The following PLRG1 variants were observed in gnomAD, a reference collection of about 807,000 sequenced individuals.
PLRG1 encodes pleiotropic regulator 1 (PRL1 homolog, Arabidopsis).
In PLRG1, 28 loss-of-function variants were observed where a neutral mutation model predicts 74.9. That is an observed-to-expected ratio of 0.37 (90% CI 0.28 to 0.51). The LOEUF (loss-of-function observed/expected upper bound fraction) is 0.51. PLRG1 is among the 20% of genes least tolerant of loss of function. The pLI, the probability that PLRG1 is intolerant of heterozygous loss-of-function variation, is 0.91. For missense variants in PLRG1, 445 were observed against 631.9 expected (o/e 0.70, Z 3.17); for synonymous variants, 197 against 212.4 (o/e 0.93, Z 0.63).
chr4:154,539,316 T>C (rs1187225693), intron 11 of PLRG1, 103 bp from the exon 12 acceptor site: 9 of 725,636 alleles, frequency 1.2e-5, no homozygotes, highest in African/African-American at 1.2e-4. Context: ...ATGTTCTAAA[T>C]GAAAGTCATA....
rs201937704 is a variant in PLRG1, at chr4:154,547,742, T to C, written c.228A>G (p.Ser76=). The change falls in exon 3 of 15, where the codon TCA becomes TCG. Residue 76 remains serine (S), a synonymous_variant. Transcript: ENST00000499023. The part of the protein sequence containing the change: ...KEKGPQNATD[S]YVHKQYPANQ... ...TGGCAGGGTACTGTTTATGAACATA[T>C]GAATCCGTTGCATTCTGAGGACCCT... 1.9e-6 allele frequency: 3 copies of C among 1,613,284 alleles called. No individual in the cohort carries two copies. The highest frequency in any genetic ancestry group is 4.5e-5 in the East Asian group (2 of 44,852).
At chr4:154,550,195 G>A in intron 1 of PLRG1, 105 bp downstream of exon 1, 2 of 1,060,634 alleles carry the variant, frequency 1.9e-6, no homozygotes, top group East Asian at 2.4e-5. Flanking sequence ...TCCCCTCGTA[G>A]CCTCTTTTCT....
At chr4:154,540,527 A>G (rs1274299054) in intron 10 of PLRG1, 67 bp downstream of exon 10, 2 of 1,021,504 alleles carry the variant, frequency 2.0e-6, no homozygotes, top group Non-Finnish European at 3.1e-6. Context: ...GAAGACACTG[A>G]AACCGAAAGT....
At chr4:154,545,992 CTTTAT>C (rs1335271448) in intron 5 of PLRG1, 69 bp from the exon 6 acceptor site, 8 of 1,151,748 alleles carry the variant, frequency 6.9e-6, no homozygotes, top group Non-Finnish European at 1.0e-5. Context: ...AAAACTAACC[CTTTAT>C]TTTAAATTGT....
intron 7 of PLRG1, among the ~76,000 whole-genome samples, chr4:154,542,868 T>C (rs987404818): frequency 4.0e-5 from 6 of 151,568 alleles, no homozygotes; most frequent in Non-Finnish European, 1.5e-5. Context: ...CTACCAGAGG[T>C]TGGGAAGAAT....
chr4:154,540,507 T>A (rs1729536586), intron 10 of PLRG1, 87 bp downstream of exon 10: 1 of 841,952 alleles, frequency 1.2e-6, no homozygotes, highest in African/African-American at 1.7e-5. Context: ...TAATTCTCTA[T>A]CAATCAATTG....
chr4:154,541,000 GATT>G (rs1046866405), intron 8 of PLRG1, 66 bp from the exon 9 acceptor site: 1 of 1,171,304 alleles, frequency 8.5e-7, no homozygotes, highest in African/African-American at 1.6e-5. Context: ...TTAGAAACCT[GATT>G]ATTAAAACTG....
intron 10 of PLRG1, 185 bp from the exon 11 acceptor site, chr4:154,540,238 C>T (rs1729531215): frequency 1.7e-6 from 1 of 582,188 alleles, no homozygotes; most frequent in Admixed American, 3.2e-5. Context: ...AGACAACTTG[C>T]AAGAATTCTA....
chr4:154,539,305 T>A, intron 11 of PLRG1, 92 bp from the exon 12 acceptor site: 2 of 815,548 alleles, frequency 2.5e-6, no homozygotes, highest in African/African-American at 1.7e-5. Flanking sequence ...CCAAAACACA[T>A]ATGTTCTAAA....
intron 7 of PLRG1, 37 bp from the exon 8 acceptor site, chr4:154,542,316 G>C (rs750857023): frequency 1.5e-6 from 2 of 1,315,958 alleles, no homozygotes; most frequent in South Asian, 2.4e-5. Flanking sequence ...GGCCAACGTA[G>C]AAGTTAAAAT....
intron 1 of PLRG1, among the ~76,000 whole-genome samples, 175 bp downstream of exon 1, chr4:154,550,125 C>T (rs1416670008): frequency 6.6e-6 from 1 of 152,222 alleles, no homozygotes. Flanking sequence ...GGTTCTCATC[C>T]GGCTTCTACC....
At chr4:154,544,849 A>G (rs544536129) in intron 6 of PLRG1, among the ~76,000 whole-genome samples, 1 of 152,320 alleles carries the variant, frequency 6.6e-6, no homozygotes, top group African/African-American at 2.4e-5. Context: ...AATGGGAAGA[A>G]TAGTGCCTAT....
In PLRG1 at chr4:154,550,246, C is replaced by CA. The variant is rs144000778; in HGVS notation, c.9+53dup. 8,503 of 1,362,174 alleles carry CA rather than the reference C, an allele frequency of 6.2e-3. 360 individuals are homozygous for CA. In the African/African-American group the frequency reaches 0.099, roughly 16 times the overall value. 84.4% of individuals were successfully genotyped at this position (1,362,174 alleles called of 1,614,324 possible). Reference sequence around the variant, plus strand: ...ACTCTCAATCCCCCACGCGCACTGCCAAAAAAAACAGTCCAGAGACAAACG... The same window carrying CA: ...ACTCTCAATCCCCCACGCGCACTGCCAAAAAAAAACAGTCCAGAGACAAACG... On this transcript the variant is annotated intron_variant, in intron 1 of 14. Transcript: ENST00000499023.
chr4:154,542,340 A>G (rs1302712336), intron 7 of PLRG1, 61 bp from the exon 8 acceptor site: 1 of 991,650 alleles, frequency 1.0e-6, no homozygotes, highest in Non-Finnish European at 1.6e-6. Context: ...TTTAAGTTTA[A>G]CTGCAGCCCG....
At chr4:154,539,683 AAAT>A (rs1463421372) in intron 11 of PLRG1, among the ~76,000 whole-genome samples, 1 of 150,118 alleles carries the variant, frequency 6.7e-6, no homozygotes, top group Non-Finnish European at 1.5e-5. Flanking sequence ...TGACACTATA[AAAT>A]AATAATTGTT....
intron 7 of PLRG1, 29 bp from the exon 8 acceptor site, chr4:154,542,308 C>G (rs368025275): frequency 1.4e-6 from 2 of 1,390,212 alleles, no homozygotes; most frequent in South Asian, 2.3e-5. Flanking sequence ...AATGGGCAGG[C>G]CAACGTAGAA....
Position 154,550,385 on chromosome 4 carries a change from A to C in PLRG1, c.-77T>G, listed in dbSNP as rs1422539642. 2 of 1,428,144 alleles carry C rather than the reference A, an allele frequency of 1.4e-6. No homozygotes were observed. Among genetic ancestry groups the C allele is most frequent in the African/African-American group, 1.4e-5 (1 of 70,408 alleles). The allele number at this position is 1,428,144 out of a possible 1,614,324, so 88.5% of individuals were successfully genotyped here. A position where few individuals can be genotyped will look rare whatever the true frequency, so the allele number is the denominator to read the frequency against. ...GCAGTACCCGCCGCCACAGCTGTGC[A>C]GCACCTTCCGGAATTGGGCGCCCAG... is the stretch of plus-strand genomic sequence containing the variant. On this transcript the variant is annotated 5_prime_UTR_variant, in exon 1 of 15. Coordinates refer to ENST00000499023, the MANE Select transcript of PLRG1 (RefSeq NM_002669.4).
intron 14 of PLRG1, 49 bp from the exon 15 acceptor site, chr4:154,536,793 T>C (rs1265109686): frequency 6.3e-6 from 6 of 947,796 alleles, no homozygotes; most frequent in Non-Finnish European, 8.2e-6. Context: ...GTTTGCTTCA[T>C]GTCTAATAGG....
At chr4:154,550,256 A>G (rs976629045) in intron 1 of PLRG1, 44 bp downstream of exon 1, 1 of 1,577,066 alleles carries the variant, frequency 6.3e-7, no homozygotes, top group Admixed American at 1.7e-5. Flanking sequence ...CAAAAAAAAC[A>G]GTCCAGAGAC....
Sources: allele counts gnomAD v4.1 joint callset (sites outside exome capture counted in the v4.1 genomes callset), GRCh38; gene constraint gnomAD v4.1.1; transcripts MANE v1.5; gene names NCBI Gene and HGNC (gene_info 2026-07-23, HGNC 2026-07-21).